LHX2: variants seen among roughly 807,000 people sequenced by gnomAD.
LHX2 encodes the protein LIM/homeobox protein Lhx2.
LHX2 carries 6 observed loss-of-function variants against 33.0 expected under a neutral mutation model. The observed-to-expected ratio is 0.18, with a 90% CI of 0.10 to 0.36. LHX2 has a LOEUF of 0.36. Among genes scored for constraint, LHX2 ranks in the 10% least tolerant of loss-of-function variants. The pLI, the probability that LHX2 is intolerant of heterozygous loss-of-function variation, is 1.00. For missense variants in LHX2, 442 were observed against 586.2 expected (o/e 0.75, Z 2.54); for synonymous variants, 292 against 253.1 (o/e 1.15, Z -1.46).
Position 124,012,508 on chromosome 9 carries a change from T to C in LHX2, c.120+40T>C. ...GTGGGGTCGGGGCTGAGAGCTGGGA[T>C]GGGGCCGGGCCAGTCAGCGCCTCTG... On this transcript the variant is annotated intron_variant, in intron 1 of 4. Coordinates refer to ENST00000373615, the MANE Select transcript of LHX2 (RefSeq NM_004789.4). The surrounding 1 kb of genome is among the most constrained non-coding windows in gnomAD (Gnocchi z 4.3). 6.7e-7 allele frequency: 1 copy of C among 1,498,702 alleles called. No individual in the cohort carries two copies. The highest frequency in any genetic ancestry group is 8.9e-7 in the Non-Finnish European group (1 of 1,129,932). 92.8% of individuals were successfully genotyped at this position (1,498,702 alleles called of 1,614,324 possible).
rs1269003455 is a variant in LHX2, at chr9:124,016,374, C to T, written c.727+849C>T. Among the ~76,000 whole-genome samples, 3 of 152,228 alleles carry T rather than the reference C, an allele frequency of 2.0e-5. No homozygotes were observed. Among genetic ancestry groups the T allele is most frequent in the African/African-American group, 4.8e-5 (2 of 41,468 alleles). On this transcript the variant is annotated intron_variant, in intron 3 of 4. Transcript: ENST00000373615. The surrounding 1 kb of genome is among the most constrained non-coding windows in gnomAD (Gnocchi z 4.4). ...GAGGTTCTGAGTTCCGGCAAATGAG[C>T]CGTCAACATCTGCCCGAAGTCTGCA... is the stretch of plus-strand genomic sequence containing the variant.
chr9:124,015,280 G>A lies in LHX2; in HGVS notation c.482G>A (p.Ser161Asn), dbSNP rs749532336. The A allele has an allele frequency of 2.5e-6, 4 of 1,614,038 alleles. No individual in the cohort carries two copies. The highest frequency in any genetic ancestry group is 1.6e-4 in the Middle Eastern group (1 of 6,084). ...TTGDHFGMKD[S>N]LVYCRLHFEA... ...GGCGACCACTTCGGCATGAAGGACA[G>A]CCTGGTCTACTGCCGCTTGCACTTC... is the stretch of plus-strand genomic sequence containing the variant. Residue 161 changes from serine to asparagine, a missense_variant, in exon 3 of 5, where the codon AGC becomes AAC. This residue lies in a region of LHX2 where 72 missense variants were observed against 171.6 expected (regional missense o/e 0.42). Transcript: ENST00000373615. This position sits in a 1 kb window ranked among gnomAD's most constrained non-coding sequence, Gnocchi z 7.9.
chr9:124,013,896 CCCGGCGGCGGAGGGG>C lies in LHX2; in HGVS notation c.121-61_121-47del, dbSNP rs1383815557. ...CAGAGGGAGTTGTGGGTGCCGGTTT[CCCGGCGGCGGAGGGG>C]CCGCTGGCTGACGCAGGCGCTGCTG... On this transcript the variant is annotated intron_variant, in intron 1 of 4. Coordinates refer to ENST00000373615, the MANE Select transcript of LHX2 (RefSeq NM_004789.4). 5.3e-6 allele frequency: 8 copies of C among 1,505,816 alleles called. No individual in the cohort carries two copies. In the African/African-American group the frequency reaches 9.6e-5, roughly 18 times the overall value. 93.3% of individuals were successfully genotyped at this position (1,505,816 alleles called of 1,614,324 possible). A position where few individuals can be genotyped will look rare whatever the true frequency, so the allele number is the denominator to read the frequency against.
intron 3 of LHX2, among the ~76,000 whole-genome samples, chr9:124,019,627 T>A (rs1859256837): frequency 2.0e-5 from 3 of 152,258 alleles, no homozygotes; most frequent in Admixed American, 2.0e-4. Context: ...GTATGTCCCA[T>A]GCAATATTTA....
intron 4 of LHX2, chr9:124,031,605 GAAGA>G (rs1249167585): frequency 6.6e-6 from 1 of 152,210 alleles, no homozygotes; most frequent in Non-Finnish European, 1.5e-5. Flanking sequence ...TTGAAGAAAT[GAAGA>G]GAGACAAGTA....
intron 3 of LHX2, among the ~76,000 whole-genome samples, chr9:124,017,927 G>T (rs964739477): frequency 5.9e-5 from 9 of 151,948 alleles, no homozygotes; most frequent in African/African-American, 1.9e-4. Context: ...GTGCGAAAAC[G>T]GCGGCAGGAG....
At position 124,011,912 on chromosome 9, in the gene LHX2, C is replaced by T. The variant is rs1209026176; in HGVS notation, c.-437C>T. 2 of 152,212 alleles carry T rather than the reference C, an allele frequency of 1.3e-5. No homozygotes were observed. The highest frequency in any genetic ancestry group is 4.8e-5 in the African/African-American group (2 of 41,434). 9.4% of individuals were successfully genotyped at this position (152,212 alleles called of 1,614,324 possible). Reference sequence around the variant, plus strand: ...CCAGGCAGCTGGGCCGCCGCGGACACCTAGCGGCTTCAGGGTGAACCCCGA... The same window carrying T: ...CCAGGCAGCTGGGCCGCCGCGGACATCTAGCGGCTTCAGGGTGAACCCCGA... On this transcript the variant is annotated 5_prime_UTR_variant, in exon 1 of 5. Coordinates refer to ENST00000373615, the MANE Select transcript of LHX2 (RefSeq NM_004789.4).
intron 4 of LHX2, among the ~76,000 whole-genome samples, chr9:124,022,230 T>C (rs2118766295): frequency 6.6e-6 from 1 of 152,240 alleles, no homozygotes; most frequent in South Asian, 2.1e-4. Flanking sequence ...ATACAAGAAA[T>C]GGATACAATA....
At position 124,015,481 on chromosome 9, in the gene LHX2, G is replaced by A; in HGVS notation, c.683G>A (p.Arg228His). ...GTVQKGRPRK[R>H]KSPGPGADLA... ...GTGCAGAAGGGGCGGCCGAGGAAAC[G>A]TAAGAGCCCGGGCCCCGGTGCGGAT... Residue 228 changes from arginine (R) to histidine (H), a missense_variant, in exon 3 of 5, where the codon CGT (arginine) becomes CAT (histidine). Around this residue, in one of 5 missense-constraint regions of LHX2, gnomAD observed 132 missense variants for 139.1 expected, o/e 0.95. Transcript: ENST00000373615. This position sits in a 1 kb window ranked among gnomAD's most constrained non-coding sequence, Gnocchi z 7.9. 1 of 1,489,736 alleles carries A rather than the reference G, an allele frequency of 6.7e-7. No individual in the cohort carries two copies. The allele number at this position is 1,489,736 out of a possible 1,614,324, so 92.3% of individuals were successfully genotyped here.
chr9:124,015,005 C>G lies in LHX2; in HGVS notation c.324-117C>G. 8.5e-7 allele frequency: 1 copy of G among 1,171,612 alleles called. No individual in the cohort carries two copies. The highest frequency in any genetic ancestry group is 1.2e-6 in the Non-Finnish European group (1 of 827,692). 72.6% of individuals were successfully genotyped at this position (1,171,612 alleles called of 1,614,324 possible). On this transcript the variant is annotated intron_variant, in intron 2 of 4. Coordinates refer to ENST00000373615, the MANE Select transcript of LHX2 (RefSeq NM_004789.4). This position sits in a 1 kb window ranked among gnomAD's most constrained non-coding sequence, Gnocchi z 7.9. ...TCCCCCCCATCCTCCAAATAAAGGC[C>G]GGGTTGTTCGTCTTGAGGAGGGGAT...
chr9:124,017,749 G>A (rs1859216278), intron 3 of LHX2, among the ~76,000 whole-genome samples: 1 of 151,798 alleles, frequency 6.6e-6, no homozygotes, highest in Admixed American at 6.6e-5. Context: ...GGGAGGGGGC[G>A]CCGTCGGGGC....
rs1450026210 is a variant in LHX2, at chr9:124,014,701, C to CTCTCTG, written c.324-409_324-404dup. 6.6e-6 allele frequency among the ~76,000 whole-genome samples: 1 copy of CTCTCTG among 152,296 alleles called. No individual in the cohort carries two copies. The highest frequency in any genetic ancestry group is 2.1e-4 in the South Asian group (1 of 4,826). On this transcript the variant is annotated intron_variant, in intron 2 of 4. Coordinates refer to ENST00000373615, the MANE Select transcript of LHX2 (RefSeq NM_004789.4). The surrounding 1 kb of genome is among the most constrained non-coding windows in gnomAD (Gnocchi z 4.8). ...TTTAGGATTAGGGTCTATGTATATTCTCTCTGTCTCTGTCTCTACGTCTGT... is the reference window on the plus strand; with the variant it reads ...TTTAGGATTAGGGTCTATGTATATTCTCTCTGTCTCTGTCTCTGTCTCTACGTCTGT...
In LHX2 at chr9:124,015,374, AGCCGCGGCG is replaced by A. The variant is rs754708132; in HGVS notation, c.580_588del (p.Ala194_Ala196del). The A allele has an allele frequency of 6.2e-7, 1 of 1,609,800 alleles. No individual in the cohort carries two copies. Among genetic ancestry groups the A allele is most frequent in the African/African-American group, 1.3e-5 (1 of 74,730 alleles). ...CCGACGTGGCAGCGGCGGCCGCTGC[AGCCGCGGCG>A]GCCAAGAGCGCGGGGCTGGGCGCAG... On this transcript the variant is annotated inframe_deletion, in exon 3 of 5. Transcript: ENST00000373615. The surrounding 1 kb of genome is among the most constrained non-coding windows in gnomAD (Gnocchi z 7.9).
At chr9:124,024,900 G>A (rs1295314091) in intron 4 of LHX2, among the ~76,000 whole-genome samples, 3 of 152,200 alleles carry the variant, frequency 2.0e-5, no homozygotes, top group Non-Finnish European at 4.4e-5. Flanking sequence ...TATTGCACAC[G>A]AAGGGATTTT....
chr9:124,020,982 C>A lies in LHX2; in HGVS notation c.728-117C>A. The A allele has an allele frequency of 3.5e-6, 3 of 866,264 alleles. No homozygotes were observed. The South Asian group carries it at 4.8e-5, about 14-fold the overall frequency. 53.7% of individuals were successfully genotyped at this position (866,264 alleles called of 1,614,324 possible). On this transcript the variant is annotated intron_variant, in intron 3 of 4. Coordinates refer to ENST00000373615, the MANE Select transcript of LHX2 (RefSeq NM_004789.4). ...GGATGATGTCCCCCTTTCATTGTGG[C>A]GCAGACATGCAGCAGGGTTAAGGAT...
chr9:124,021,079 G>T lies in LHX2; in HGVS notation c.728-20G>T, dbSNP rs770627498. ...GGCGGGTCAGGAAGTTCACCCACCGGCTCTGTGTCTCCTCCCTAGCGCTAA... is the reference window on the plus strand; with the variant it reads ...GGCGGGTCAGGAAGTTCACCCACCGTCTCTGTGTCTCCTCCCTAGCGCTAA... On this transcript the variant is annotated intron_variant, in intron 3 of 4. Coordinates refer to ENST00000373615, the MANE Select transcript of LHX2 (RefSeq NM_004789.4). The T allele has an allele frequency of 1.2e-6, 2 of 1,612,444 alleles. No individual in the cohort carries two copies. Among genetic ancestry groups the T allele is most frequent in the Non-Finnish European group, 8.5e-7 (1 of 1,178,916 alleles).
intron 4 of LHX2, among the ~76,000 whole-genome samples, chr9:124,029,941 G>A (rs1241372210): frequency 6.6e-6 from 1 of 152,204 alleles, no homozygotes; most frequent in Non-Finnish European, 1.5e-5. Context: ...CTCCCCTACA[G>A]ATTTCTGCTG....
At chr9:124,021,360 C>G in intron 4 of LHX2, 56 bp downstream of exon 4, 2 of 1,523,258 alleles carry the variant, frequency 1.3e-6, no homozygotes, top group Non-Finnish European at 1.8e-6. Flanking sequence ...GGGGTGGAAC[C>G]CTGCACCCCT....
intron 3 of LHX2, among the ~76,000 whole-genome samples, chr9:124,020,869 G>T (rs549368926): frequency 2.6e-5 from 4 of 152,286 alleles, no homozygotes; most frequent in Admixed American, 2.6e-4. Flanking sequence ...GATTCTCCCA[G>T]AGCCGGGATT....
Sources: gnomAD v4.1 joint callset for allele counts (sites outside exome capture counted in the v4.1 genomes callset) on GRCh38, gnomAD v4.1.1 for gene constraint, gnomAD v4.1.1 regional missense constraint, Gnocchi (gnomAD v3.1) non-coding constraint, MANE v1.5 for transcripts, NCBI Gene and HGNC (gene_info 2026-07-23, HGNC 2026-07-21) for gene names.